The following TRHDE variants were observed in gnomAD, a reference collection of about 807,000 sequenced individuals.
TRHDE encodes the protein thyrotropin-releasing hormone-degrading ectoenzyme.
Under a neutral mutation model 125.7 loss-of-function variants are expected in TRHDE, and 72 were observed. The observed-to-expected ratio is 0.57, with a 90% CI of 0.47 to 0.70. TRHDE has a LOEUF of 0.70. Among genes scored for constraint, TRHDE ranks in the 30% least tolerant of loss-of-function variants. The pLI, the probability that TRHDE is intolerant of heterozygous loss-of-function variation, is 0.00. For missense variants in TRHDE, 1,110 were observed against 1,327.1 expected (o/e 0.84, Z 2.54); for synonymous variants, 509 against 509.1 (o/e 1.00, Z 0.00).
chr12:72,443,191 CCT>C (rs1565743324), intron 3 of TRHDE, among the ~76,000 whole-genome samples: 1 of 111,366 alleles, frequency 9.0e-6, no homozygotes, highest in Non-Finnish European at 1.8e-5. Flanking sequence ...CTACTTCTTT[CCT>C]GTGTGTGTGT....
chr12:72,546,489 T>C (rs552417814), intron 7 of TRHDE, among the ~76,000 whole-genome samples: 1 of 151,766 alleles, frequency 6.6e-6, no homozygotes, highest in Admixed American at 6.6e-5. Context: ...TCGATGATCA[T>C]TTAAGAAGCT....
intron 7 of TRHDE, among the ~76,000 whole-genome samples, chr12:72,542,956 T>C (rs1869227939): frequency 6.6e-6 from 1 of 151,338 alleles, no homozygotes; most frequent in Non-Finnish European, 1.5e-5. Flanking sequence ...ATTAAACTTC[T>C]TAAAGCAGAC....
At chr12:72,469,956 T>A (rs1276604597) in intron 4 of TRHDE, 44 bp downstream of exon 4, 2 of 1,586,296 alleles carry the variant, frequency 1.3e-6, no homozygotes, top group South Asian at 2.3e-5. Flanking sequence ...TGAAAGCTAT[T>A]GAAAATGATT....
intron 2 of TRHDE, among the ~76,000 whole-genome samples, chr12:72,289,086 C>T (rs772204760): frequency 1.3e-5 from 2 of 151,934 alleles, no homozygotes; most frequent in Admixed American, 6.6e-5. Flanking sequence ...TTTTATTATT[C>T]GGAGCATATG....
intron 6 of TRHDE, among the ~76,000 whole-genome samples, chr12:72,514,914 T>C (rs1157279806): frequency 6.7e-6 from 1 of 149,428 alleles, no homozygotes; most frequent in African/African-American, 2.5e-5. Context: ...TGCGATAGTT[T>C]ACTGAGAATG....
In TRHDE at chr12:72,618,961, C is replaced by G. The variant is rs760900602; in HGVS notation, c.2392C>G (p.Pro798Ala). The G allele has an allele frequency of 8.7e-6, 14 of 1,601,650 alleles. No individual in the cohort carries two copies. Residue 798 changes from proline to alanine, a missense_variant, in exon 13 of 19, where the codon CCT (proline) becomes GCT (alanine). Physicochemically the swap from Pro to Ala is conservative, Grantham distance 27. This residue lies in a region of TRHDE where 527 missense variants were observed against 651.8 expected (regional missense o/e 0.81). Transcript: ENST00000261180. Reference protein sequence around the residue: ...RYLSEEKDFLPWHAASRALYP... With the variant: ...RYLSEEKDFLAWHAASRALYP... The stretch of plus-strand genomic sequence containing the variant: ...CCTGTCTGAGGAGAAGGATTTTCTT[C>G]CTTGGCATGCTGCCAGCCGAGCTCT...
intron 2 of TRHDE, among the ~76,000 whole-genome samples, chr12:72,113,182 TA>T (rs1166634490): frequency 6.6e-6 from 1 of 151,960 alleles, no homozygotes; most frequent in African/African-American, 2.4e-5. Context: ...CATACCTGGC[TA>T]AATTTTTTTT....
chr12:72,093,947 T>C (rs1433779775), intron 1 of TRHDE, among the ~76,000 whole-genome samples: 2 of 152,206 alleles, frequency 1.3e-5, no homozygotes, highest in Non-Finnish European at 2.9e-5. Flanking sequence ...AGCAAATGTC[T>C]TTTCCAGTTT....
At chr12:72,455,498 A>G (rs1223794134) in intron 3 of TRHDE, among the ~76,000 whole-genome samples, 2 of 152,138 alleles carry the variant, frequency 1.3e-5, no homozygotes, top group African/African-American at 4.8e-5. Flanking sequence ...TATCTTCTGT[A>G]GAAATATTTT....
intron 2 of TRHDE, among the ~76,000 whole-genome samples, chr12:72,111,610 G>T (rs1051664098): frequency 6.6e-6 from 1 of 152,158 alleles, no homozygotes. Flanking sequence ...AAGCAAGAAT[G>T]CTTGTTCAGG....
chr12:72,634,996 T>C (rs1360192187), intron 15 of TRHDE, among the ~76,000 whole-genome samples: 1 of 152,130 alleles, frequency 6.6e-6, no homozygotes, highest in Admixed American at 6.5e-5. Flanking sequence ...GCATGATTTA[T>C]AGTCCTTTGG....
intron 3 of TRHDE, among the ~76,000 whole-genome samples, chr12:72,446,045 C>T (rs117508710): frequency 3.2e-4 from 48 of 151,818 alleles, no homozygotes; most frequent in East Asian, 1.6e-3. Flanking sequence ...TTGGTCCGTG[C>T]GCTAGACCAG....
intron 3 of TRHDE, among the ~76,000 whole-genome samples, chr12:72,409,122 T>TA (rs1297715339): frequency 2.0e-5 from 3 of 152,112 alleles, no homozygotes; most frequent in Non-Finnish European, 4.4e-5. Flanking sequence ...ACATACAAGT[T>TA]AAAATCTTAA....
At chr12:72,396,149 C>T (rs919685361) in intron 3 of TRHDE, among the ~76,000 whole-genome samples, 42 of 152,302 alleles carry the variant, frequency 2.8e-4, no homozygotes, top group African/African-American at 9.9e-4. Flanking sequence ...GGTCCCCACT[C>T]TTCCAACTAA....
At chr12:72,626,824 C>T (rs954887518) in intron 15 of TRHDE, among the ~76,000 whole-genome samples, 1 of 152,030 alleles carries the variant, frequency 6.6e-6, no homozygotes, top group Non-Finnish European at 1.5e-5. Context: ...TCACTATGGT[C>T]TGTGTATATC....
chr12:72,244,665 A>G (rs962300889), intron 2 of TRHDE, among the ~76,000 whole-genome samples: 12 of 152,248 alleles, frequency 7.9e-5, no homozygotes, highest in African/African-American at 2.9e-4. Context: ...AATTAAGTTT[A>G]TATACATATT....
rs1187000060 is a variant in TRHDE at position 72,517,436 on chromosome 12, G to A, written c.1722+17801G>A. Among the ~76,000 whole-genome samples, 13 of 152,184 alleles carry A rather than the reference G, an allele frequency of 8.5e-5. No homozygotes were observed. The East Asian group carries it at 2.1e-3, about 25-fold the overall frequency. ...GATTTTCTAGTTTATTTGCATAGAG[G>A]TGTTTGTAGTATTCTCTGATGGTAG... is the stretch of plus-strand genomic sequence containing the variant. On this transcript the variant is annotated intron_variant, in intron 6 of 18. Coordinates refer to ENST00000261180, the MANE Select transcript of TRHDE (RefSeq NM_013381.3).
chr12:72,477,129 A>G (rs141826195), intron 5 of TRHDE, among the ~76,000 whole-genome samples: 2 of 152,296 alleles, frequency 1.3e-5, no homozygotes, highest in African/African-American at 4.8e-5. Context: ...AAGTCCACAT[A>G]ATTTTTTTGA....
intron 1 of TRHDE, among the ~76,000 whole-genome samples, chr12:72,100,434 G>C (rs1875039564): frequency 6.6e-6 from 1 of 152,116 alleles, no homozygotes; most frequent in Non-Finnish European, 1.5e-5. Flanking sequence ...TTAACGAAAA[G>C]CCAACAACTT....
Sources: allele counts gnomAD v4.1 joint callset (sites outside exome capture counted in the v4.1 genomes callset), GRCh38; gene constraint gnomAD v4.1.1; regional missense constraint gnomAD v4.1.1; transcripts MANE v1.5; gene names NCBI Gene and HGNC (gene_info 2026-07-23, HGNC 2026-07-21).